The following PNMA3 variants were observed in gnomAD, a reference collection of about 807,000 sequenced individuals.
PNMA3 encodes paraneoplastic antigen Ma3.
In PNMA3, 10 loss-of-function variants were observed where a neutral mutation model predicts 25.1. The ratio of observed to expected loss-of-function variants is 0.40; its 90% CI spans 0.25 to 0.68. PNMA3 has a LOEUF of 0.68. PNMA3 is among the 30% of genes least tolerant of loss of function. The pLI is 0.40. For missense variants in PNMA3, 317 were observed against 372.1 expected, an observed-to-expected ratio of 0.85 and a Z score of 1.22; for synonymous variants, 134 against 148.7, an observed-to-expected ratio of 0.90 and a Z score of 0.72.
chrX:153,057,880 C>T lies in PNMA3; in HGVS notation c.825C>T (p.Leu275=). 8.2e-7 allele frequency: 1 copy of T among 1,212,299 alleles called. No individual in the cohort carries two copies. The highest frequency in any genetic ancestry group is 1.1e-6 in the Non-Finnish European group (1 of 895,630). The change falls in exon 2 of 2, where the codon CTC becomes CTT. Residue 275 remains leucine (L), a synonymous_variant. Coordinates refer to ENST00000593810, the MANE Select transcript of PNMA3 (RefSeq NM_013364.6). ...SSFVLRLEPL[L]QRAVENNVVS... ...TTGTGTTACGTTTGGAACCCCTGCT[C>T]CAAAGAGCTGTAGAAAACAATGTGG...
At position 153,058,597 on chromosome X, in the gene PNMA3, C is replaced by T. The variant is rs1162254663; in HGVS notation, c.*150C>T. The T allele has an allele frequency of 8.5e-7, 1 of 1,175,565 alleles. No homozygotes were observed. The highest frequency in any genetic ancestry group is 3.2e-5 in the East Asian group (1 of 31,345). On this transcript the variant is annotated 3_prime_UTR_variant, in exon 2 of 2. Transcript: ENST00000593810. Reference sequence around the variant, plus strand: ...CCAGACCAAGGCCAAGCCTTCTCACCCTTGGCCAGCTGGAAGGGACTTCAG... The same window carrying T: ...CCAGACCAAGGCCAAGCCTTCTCACTCTTGGCCAGCTGGAAGGGACTTCAG...
In PNMA3 at chrX:153,056,592, G is replaced by A. The variant is rs1303569852; in HGVS notation, c.-153G>A. ...GCCGCCGCCGCGCATAGCCCCCGGA[G>A]AGCCCTCTGGGGACCCCGACCAGAA... On this transcript the variant is annotated 5_prime_UTR_variant, in exon 1 of 2. Coordinates refer to ENST00000593810, the MANE Select transcript of PNMA3 (RefSeq NM_013364.6). 4.9e-5 allele frequency: 6 copies of A among 122,352 alleles called. No homozygotes were observed. The highest frequency in any genetic ancestry group is 9.8e-5 in the Non-Finnish European group (6 of 60,916). 10.1% of individuals were successfully genotyped at this position (122,352 alleles called of 1,213,427 possible).
rs1419053007 is a variant in PNMA3 at position 153,056,804 on chromosome X, G to T, written c.-106-146G>T. On this transcript the variant is annotated intron_variant, in intron 1 of 1. Transcript: ENST00000593810. ...CGCAGAGACCCCACGGGGGGTGGGG[G>T]TGGGGGGCTGGGCAGGGGCGGGGCC... 244 of 326,073 alleles carry T rather than the reference G, an allele frequency of 7.5e-4. 1 individual carries two copies. In the South Asian group the frequency reaches 0.013, roughly 18 times the overall value. 26.9% of individuals were successfully genotyped at this position (326,073 alleles called of 1,213,427 possible).
In PNMA3 at chrX:153,058,734, C is replaced by A; in HGVS notation, c.*287C>A. On this transcript the variant is annotated 3_prime_UTR_variant, in exon 2 of 2. Transcript: ENST00000593810. Reference sequence around the variant, plus strand: ...CATCCAGCACATGGGGTGCCTGGGCCTCAGATGGGGACCCCAAAGAAGCAG... The same window carrying A: ...CATCCAGCACATGGGGTGCCTGGGCATCAGATGGGGACCCCAAAGAAGCAG... 1.5e-6 allele frequency: 1 copy of A among 666,761 alleles called. No homozygotes were observed. Among genetic ancestry groups the A allele is most frequent in the Non-Finnish European group, 2.2e-6 (1 of 447,281 alleles). The allele number at this position is 666,761 out of a possible 1,213,427, so 54.9% of individuals were successfully genotyped here. A position where few individuals can be genotyped will look rare whatever the true frequency, so the allele number is the denominator to read the frequency against.
Position 153,058,417 on chromosome X carries a change from C to G in PNMA3, c.1362C>G (p.Asp454Glu), listed in dbSNP as rs782776914. The change falls in exon 2 of 2, where the codon GAC becomes GAG. Residue 454 changes from aspartate (D) to glutamate (E), a missense_variant. Transcript: ENST00000593810. ...VESGNGNWAW[D>E]KSHPKSKAK The stretch of plus-strand genomic sequence containing the variant: ...CGGGAAACGGGAACTGGGCTTGGGA[C>G]AAGAGCCATCCCAAGTCCAAGGCCA... The G allele has an allele frequency of 3.3e-6, 4 of 1,210,472 alleles. No homozygotes were observed. The highest frequency in any genetic ancestry group is 3.4e-6 in the Non-Finnish European group (3 of 895,165).
In PNMA3 at chrX:153,057,792, A is replaced by G. The variant is rs782770642; in HGVS notation, c.737A>G (p.His246Arg). Reference protein sequence around the residue: ...LQQVFGPVESHKIAQVKLCKA... With the variant: ...LQQVFGPVESRKIAQVKLCKA... ...CAGGTGTTCGGACCTGTGGAGAGCC[A>G]TAAAATTGCCCAGGTGAAGTTGTGT... Residue 246 changes from histidine (H) to arginine (R), a missense_variant, in exon 2 of 2, where the codon CAT becomes CGT. Physicochemically the swap from His to Arg is conservative, Grantham distance 29. Coordinates refer to ENST00000593810, the MANE Select transcript of PNMA3 (RefSeq NM_013364.6). 8.2e-7 allele frequency: 1 copy of G among 1,212,608 alleles called. No individual in the cohort carries two copies. Among genetic ancestry groups the G allele is most frequent in the Non-Finnish European group, 1.1e-6 (1 of 895,698 alleles).
In PNMA3 at chrX:153,058,480, A is replaced by G. The variant is rs1356863875; in HGVS notation, c.*33A>G. ...AGAACAGGGCAACATTTCCTACCAC[A>G]GGCCAAGGAGACAAAAGAGATATTG... On this transcript the variant is annotated 3_prime_UTR_variant, in exon 2 of 2. Coordinates refer to ENST00000593810, the MANE Select transcript of PNMA3 (RefSeq NM_013364.6). 5.8e-6 allele frequency: 7 copies of G among 1,210,460 alleles called. No homozygotes were observed. In the Admixed American group the frequency reaches 1.5e-4, roughly 26 times the overall value.
rs1319775989 is a variant in PNMA3 at position 153,057,683 on chromosome X, C to T, written c.628C>T (p.Arg210Trp). The change falls in exon 2 of 2, where the codon CGG becomes TGG. Residue 210 changes from arginine to tryptophan, a missense_variant. By Grantham distance (101) the Arg-to-Trp change is moderately radical. Transcript: ENST00000593810. ...EKRRRLMECL[R>W]GPALQVVSGL... ...GAGGCGGAGGCTGATGGAATGCTTACGGGGCCCTGCTCTCCAGGTGGTCAG... is the reference window on the plus strand; with the variant it reads ...GAGGCGGAGGCTGATGGAATGCTTATGGGGCCCTGCTCTCCAGGTGGTCAG... The T allele has an allele frequency of 1.2e-5, 14 of 1,210,201 alleles. No homozygotes were observed. The highest frequency in any genetic ancestry group is 5.9e-5 in the East Asian group (2 of 33,776).
chrX:153,056,966 C>G lies in PNMA3; in HGVS notation c.-90C>G. On this transcript the variant is annotated 5_prime_UTR_variant, in exon 2 of 2. Transcript: ENST00000593810. ...CATTCACAGGCTGTGGAGACCTGGG[C>G]CTTCTGCGATCACCCTAGGAGTTGA... 1 of 1,118,609 alleles carries G rather than the reference C, an allele frequency of 8.9e-7. No individual in the cohort carries two copies. The highest frequency in any genetic ancestry group is 3.0e-5 in the East Asian group (1 of 32,956). The allele number at this position is 1,118,609 out of a possible 1,213,427, so 92.2% of individuals were successfully genotyped here. A position where few individuals can be genotyped will look rare whatever the true frequency, so the allele number is the denominator to read the frequency against.
At position 153,058,301 on chromosome X, in the gene PNMA3, A is replaced by T; in HGVS notation, c.1246A>T (p.Ser416Cys). ...ACGGAAACGCCACACATTCTGCTAT[A>T]GCTGTGGGGAAGACGGCCACATCAG... is the stretch of plus-strand genomic sequence containing the variant. ...RKRKRHTFCYSCGEDGHIRVQ... is the reference protein window; with the variant it reads ...RKRKRHTFCYCCGEDGHIRVQ... Residue 416 changes from serine (S) to cysteine (C), a missense_variant, in exon 2 of 2, where the codon AGC becomes TGC. By Grantham distance (112) the Ser-to-Cys change is moderately radical. Transcript: ENST00000593810. 1 of 1,211,963 alleles carries T rather than the reference A, an allele frequency of 8.3e-7. No homozygotes were observed. The highest frequency in any genetic ancestry group is 1.7e-5 in the African/African-American group (1 of 57,883).
Position 153,057,746 on chromosome X carries a change from G to A in PNMA3, c.691G>A (p.Glu231Lys). 1 of 1,212,481 alleles carries A rather than the reference G, an allele frequency of 8.2e-7. No homozygotes were observed. The highest frequency in any genetic ancestry group is 1.1e-6 in the Non-Finnish European group (1 of 895,684). Residue 231 changes from glutamate to lysine, a missense_variant, in exon 2 of 2, where the codon GAG (glutamate) becomes AAG (lysine). Transcript: ENST00000593810. ...CAGCAATGCTTCCATAACTGTGGAGGAGTGCCTGGCTGCCTTGCAGCAGGT... is the reference window on the plus strand; with the variant it reads ...CAGCAATGCTTCCATAACTGTGGAGAAGTGCCTGGCTGCCTTGCAGCAGGT... ...RASNASITVEECLAALQQVFG... is the reference protein window; with the variant it reads ...RASNASITVEKCLAALQQVFG...
Position 153,058,531 on chromosome X carries a change from C to T in PNMA3, c.*84C>T. ...GAAGGAGGGGAAAGAGAAGCCCAGA[C>T]AAACAGCAGATGAGTTGAGTGGGGC... On this transcript the variant is annotated 3_prime_UTR_variant, in exon 2 of 2. Transcript: ENST00000593810. The T allele has an allele frequency of 8.3e-7, 1 of 1,208,760 alleles. No homozygotes were observed. Among genetic ancestry groups the T allele is most frequent in the African/African-American group, 1.7e-5 (1 of 57,818 alleles).
In PNMA3 at chrX:153,057,976, C is replaced by T. The variant is rs782542849; in HGVS notation, c.921C>T (p.Leu307=). The T allele has an allele frequency of 9.9e-6, 12 of 1,211,341 alleles. No individual in the cohort carries two copies. The Admixed American group carries it at 2.2e-4, about 22-fold the overall frequency. ...VLSGATLPDK[L]RDKLKLMKQR... is the part of the protein sequence containing the mutation. ...GTGGGGCCACCCTTCCTGACAAACTCCGAGATAAGCTTAAGCTGATGAAAC... is the reference window on the plus strand; with the variant it reads ...GTGGGGCCACCCTTCCTGACAAACTTCGAGATAAGCTTAAGCTGATGAAAC... The change falls in exon 2 of 2, where the codon CTC becomes CTT. Residue 307 remains leucine, a synonymous_variant. Transcript: ENST00000593810.
chrX:153,058,011 A>T lies in PNMA3; in HGVS notation c.956A>T (p.Lys319Met). ...CTTAAGCTGATGAAACAGCGAAGGAAGCCTCCTGGTTTCCTGGCCCTGGTG... is the reference window on the plus strand; with the variant it reads ...CTTAAGCTGATGAAACAGCGAAGGATGCCTCCTGGTTTCCTGGCCCTGGTG... ...DKLKLMKQRR[K>M]PPGFLALVKL... The change falls in exon 2 of 2, where the codon AAG (lysine) becomes ATG (methionine). Residue 319 changes from lysine (K) to methionine (M), a missense_variant. Transcript: ENST00000593810. 8.2e-7 allele frequency: 1 copy of T among 1,212,264 alleles called. No individual in the cohort carries two copies. Among genetic ancestry groups the T allele is most frequent in the Non-Finnish European group, 1.1e-6 (1 of 895,606 alleles).
In PNMA3 at chrX:153,058,451, C is replaced by A; in HGVS notation, c.*4C>A. 8.3e-7 allele frequency: 1 copy of A among 1,211,599 alleles called. No individual in the cohort carries two copies. The highest frequency in any genetic ancestry group is 1.1e-6 in the Non-Finnish European group (1 of 895,435). Reference sequence around the variant, plus strand: ...TCCCAAGTCCAAGGCCAAGTAGGCTCGGGAGAACAGGGCAACATTTCCTAC... The same window carrying A: ...TCCCAAGTCCAAGGCCAAGTAGGCTAGGGAGAACAGGGCAACATTTCCTAC... On this transcript the variant is annotated 3_prime_UTR_variant, in exon 2 of 2. Coordinates refer to ENST00000593810, the MANE Select transcript of PNMA3 (RefSeq NM_013364.6).
At position 153,058,815 on chromosome X, in the gene PNMA3, T is replaced by G; in HGVS notation, c.*368T>G. 5.0e-6 allele frequency: 2 copies of G among 403,570 alleles called. No homozygotes were observed. The highest frequency in any genetic ancestry group is 8.9e-6 in the Non-Finnish European group (2 of 225,957). 33.3% of individuals were successfully genotyped at this position (403,570 alleles called of 1,213,427 possible). On this transcript the variant is annotated 3_prime_UTR_variant, in exon 2 of 2. Transcript: ENST00000593810. ...TCCTGCTCATCCAACCACCCCTAAATACCCACCCTGTGGACTTTGAGCTGA... is the reference window on the plus strand; with the variant it reads ...TCCTGCTCATCCAACCACCCCTAAAGACCCACCCTGTGGACTTTGAGCTGA...
rs781973961 is a variant in PNMA3, at chrX:153,056,861, C to T, written c.-106-89C>T. ...CAGAGGCGCCGCCCGGGGAGGAGGG[C>T]GGCTGGGGGTGGGGGTGGGGGTGGG... is the stretch of plus-strand genomic sequence containing the variant. On this transcript the variant is annotated intron_variant, in intron 1 of 1. Transcript: ENST00000593810. The T allele has an allele frequency of 1.4e-5, 5 of 365,662 alleles. No individual in the cohort carries two copies. The African/African-American group carries it at 3.2e-4, about 24-fold the overall frequency. 30.1% of individuals were successfully genotyped at this position (365,662 alleles called of 1,213,427 possible).
At position 153,057,837 on chromosome X, in the gene PNMA3, G is replaced by T; in HGVS notation, c.782G>T (p.Gly261Val). 2 of 1,212,448 alleles carry T rather than the reference G, an allele frequency of 1.6e-6. No homozygotes were observed. Among genetic ancestry groups the T allele is most frequent in the Non-Finnish European group, 2.2e-6 (2 of 895,682 alleles). ...TTGTGTAAAGCCTATCAGGAGGCAG[G>T]AGAGAAAGTATCTAGCTTTGTGTTA... Reference protein sequence around the residue: ...VKLCKAYQEAGEKVSSFVLRL... With the variant: ...VKLCKAYQEAVEKVSSFVLRL... Residue 261 changes from glycine to valine, a missense_variant, in exon 2 of 2, where the codon GGA (glycine) becomes GTA (valine). Transcript: ENST00000593810.
chrX:153,060,141 C>T lies in PNMA3; in HGVS notation c.*1694C>T, dbSNP rs782300530. ...TCCAGTGTCCTGTGACTGTCCTGTGCGGGCCATAGGGCAGGGCCCTGCCCC... is the reference window on the plus strand; with the variant it reads ...TCCAGTGTCCTGTGACTGTCCTGTGTGGGCCATAGGGCAGGGCCCTGCCCC... On this transcript the variant is annotated 3_prime_UTR_variant, in exon 2 of 2. Coordinates refer to ENST00000593810, the MANE Select transcript of PNMA3 (RefSeq NM_013364.6). 19 of 109,921 alleles carry T rather than the reference C, an allele frequency of 1.7e-4. No individual in the cohort carries two copies. The highest frequency in any genetic ancestry group is 1.2e-3 in the South Asian group (3 of 2,430). 9.1% of individuals were successfully genotyped at this position (109,921 alleles called of 1,213,427 possible). A position where few individuals can be genotyped will look rare whatever the true frequency, so the allele number is the denominator to read the frequency against.
Sources: gnomAD v4.1 joint callset for allele counts on GRCh38, gnomAD v4.1.1 for gene constraint, MANE v1.5 for transcripts, NCBI Gene and HGNC (gene_info 2026-07-23, HGNC 2026-07-21) for gene names.